The following MUS81 variants were observed in gnomAD, a reference collection of about 807,000 sequenced individuals.
MUS81 encodes MUS81 structure-specific endonuclease subunit.
MUS81 carries 69 observed loss-of-function variants against 74.2 expected under a neutral mutation model. That is an observed-to-expected ratio of 0.93 (90% confidence interval 0.77 to 1.14). The LOEUF (loss-of-function observed/expected upper bound fraction) is 1.14, where lower values mean the gene tolerates loss of function less well. Among genes scored for constraint, MUS81 ranks in the 50% most tolerant of loss-of-function variants. MUS81 has a pLI of 0.00. For synonymous variants in MUS81, 303 were observed against 300.6 expected (o/e 1.01, Z -0.08); for missense variants, 711 against 726.5 (o/e 0.98, Z 0.25).
At chr11:65,866,758 C>A (rs548693216), downstream of MUS81, 8 of 963,536 alleles carry the variant, frequency 8.3e-6, no homozygotes, top group Admixed American at 4.0e-5. Context: ...GCCTGCCCCC[C>A]CAAGTGCCAC....
At chr11:65,865,389 C>A in intron 14 of MUS81, 66 bp downstream of exon 14, 1 of 1,485,744 alleles carries the variant, frequency 6.7e-7, no homozygotes, top group South Asian at 1.2e-5. Context: ...TCACCTTAAT[C>A]CATGCTTCGT....
At position 65,861,190 on chromosome 11, in the gene MUS81, C is replaced by A. The variant is rs543946245; in HGVS notation, c.265+88C>A. ...CCTGGGAGCCCTTGGCTTTTAAGCT[C>A]CCCACTCCTGTCCCAGTTGCCGTTC... On this transcript the variant is annotated intron_variant, in intron 2 of 15. Transcript: ENST00000308110. 6 of 1,592,986 alleles carry A rather than the reference C, an allele frequency of 3.8e-6. No homozygotes were observed. The Admixed American group carries it at 5.2e-5, about 14-fold the overall frequency.
rs1308441453 is a variant in MUS81 at position 65,860,996 on chromosome 11, C to T, written c.159C>T (p.Tyr53=). 1 of 1,612,308 alleles carries T rather than the reference C, an allele frequency of 6.2e-7. No individual in the cohort carries two copies. The highest frequency in any genetic ancestry group is 1.3e-5 in the African/African-American group (1 of 75,062). The change falls in exon 2 of 16, where the codon TAC becomes TAT. Residue 53 remains tyrosine (Y), a synonymous_variant. Transcript: ENST00000308110. The part of the protein sequence containing the change: ...FQKALRSLRR[Y]PLPLRSGKEA... ...AGGCGCTGCGTTCCCTCCGACGGTACCCACTGCCGCTGCGCAGCGGGAAGG... is the reference window on the plus strand; with the variant it reads ...AGGCGCTGCGTTCCCTCCGACGGTATCCACTGCCGCTGCGCAGCGGGAAGG...
At position 65,864,775 on chromosome 11, in the gene MUS81, A is replaced by C; in HGVS notation, c.1232A>C (p.Tyr411Ser). 6.2e-7 allele frequency: 1 copy of C among 1,613,880 alleles called. No homozygotes were observed. Among genetic ancestry groups the C allele is most frequent in the Non-Finnish European group, 8.5e-7 (1 of 1,179,996 alleles). The change falls in exon 12 of 16, where the codon TAC becomes TCC. Residue 411 changes from tyrosine (Y) to serine (S), a missense_variant. Tyr to Ser is a moderately radical substitution (Grantham distance 144). Transcript: ENST00000308110. Reference sequence around the variant, plus strand: ...GCAGACATTAAGGAGTCAGCCGCCTACCTGGCCCTCTTGACGCGGGGCCTG... The same window carrying C: ...GCAGACATTAAGGAGTCAGCCGCCTCCCTGGCCCTCTTGACGCGGGGCCTG... Reference protein sequence around the residue: ...RTADIKESAAYLALLTRGLQR... With the variant: ...RTADIKESAASLALLTRGLQR...
chr11:65,860,406 C>CA, upstream of MUS81: 1 of 499,992 alleles, frequency 2.0e-6, no homozygotes, highest in South Asian at 1.6e-5. Context: ...CTCGCCTACA[C>CA]AAAGACCCCG....
Position 65,862,311 on chromosome 11 carries a change from A to G in MUS81, c.519+32A>G, listed in dbSNP as rs1859638883. On this transcript the variant is annotated intron_variant, in intron 5 of 15. Coordinates refer to ENST00000308110, the MANE Select transcript of MUS81 (RefSeq NM_025128.5). The stretch of plus-strand genomic sequence containing the variant: ...ACAGGGATCAGGGAGGACAGGCCCA[A>G]GTGGCTCTGGGGCCCACCAAAGACT... The G allele has an allele frequency of 3.7e-6, 6 of 1,612,176 alleles. No homozygotes were observed. In the East Asian group the frequency reaches 1.1e-4, roughly 30 times the overall value.
At position 65,865,396 on chromosome 11, in the gene MUS81, TC is replaced by T; in HGVS notation, c.1505+74del. 4 of 1,441,886 alleles carry T rather than the reference TC, an allele frequency of 2.8e-6. No individual in the cohort carries two copies. In the South Asian group the frequency reaches 5.1e-5, roughly 18 times the overall value. The allele number at this position is 1,441,886 out of a possible 1,614,324, so 89.3% of individuals were successfully genotyped here. A position where few individuals can be genotyped will look rare whatever the true frequency, so the allele number is the denominator to read the frequency against. ...CATGGAATTCACCTTAATCCATGCT[TC>T]GTGGAGGGGGCCTGGCCTTGTGTGG... On this transcript the variant is annotated intron_variant, in intron 14 of 15. Transcript: ENST00000308110.
rs1591059542 is a variant in MUS81, at chr11:65,864,133, C to T, written c.1059+232C>T. ...GAGGTCAGGAGCATTTTAAAGACCT[C>T]TTGGGTACCCAGCCCCTGCAGTCTT... On this transcript the variant is annotated intron_variant, in intron 10 of 15. Coordinates refer to ENST00000308110, the MANE Select transcript of MUS81 (RefSeq NM_025128.5). 6 of 600,896 alleles carry T rather than the reference C, an allele frequency of 1.0e-5. No homozygotes were observed. The East Asian group carries it at 1.4e-4, about 14-fold the overall frequency. The allele number at this position is 600,896 out of a possible 1,614,324, so 37.2% of individuals were successfully genotyped here.
chr11:65,865,728 C>A, intron 14 of MUS81, 83 bp from the exon 15 acceptor site: 2 of 1,380,180 alleles, frequency 1.4e-6, no homozygotes, highest in Non-Finnish European at 1.0e-6. Context: ...CCATCCCATG[C>A]TGACCCCTCT....
chr11:65,864,671 A>G (rs1441784101), intron 11 of MUS81, 49 bp from the exon 12 acceptor site: 1 of 1,612,638 alleles, frequency 6.2e-7, no homozygotes, highest in Non-Finnish European at 8.5e-7. Context: ...TCCATGGTTC[A>G]TGGTCTAGGC....
At position 65,864,796 on chromosome 11, in the gene MUS81, G is replaced by T; in HGVS notation, c.1253G>T (p.Gly418Val). 1.2e-6 allele frequency: 2 copies of T among 1,613,250 alleles called. No individual in the cohort carries two copies. Among genetic ancestry groups the T allele is most frequent in the Non-Finnish European group, 1.7e-6 (2 of 1,179,956 alleles). The stretch of plus-strand genomic sequence containing the variant: ...GCCTACCTGGCCCTCTTGACGCGGG[G>T]CCTGCAGAGACTCTACCAGGTGAGC... ...SAAYLALLTR[G>V]LQRLYQGHTL... Residue 418 changes from glycine to valine, a missense_variant, in exon 12 of 16, where the codon GGC becomes GTC. Coordinates refer to ENST00000308110, the MANE Select transcript of MUS81 (RefSeq NM_025128.5).
intron 14 of MUS81, 133 bp from the exon 15 acceptor site, chr11:65,865,678 G>A (rs1859801588): frequency 2.1e-6 from 2 of 946,556 alleles, no homozygotes; most frequent in Non-Finnish European, 3.2e-6. Flanking sequence ...ATGGGGCCTT[G>A]AGTGCCAAGC....
In MUS81 at chr11:65,860,846, G is replaced by C; in HGVS notation, c.93G>C (p.Glu31Asp). Residue 31 changes from glutamate (E) to aspartate (D), a missense_variant, in exon 1 of 16, where the codon GAG becomes GAC. By Grantham distance (45) the Glu-to-Asp change is conservative. Transcript: ENST00000308110. Reference sequence around the variant, plus strand: ...GCTGGCTGACCGAGTGGCGGGACGAGGCGACCCGCAGCAGGCGCCGCACGC... The same window carrying C: ...GCTGGCTGACCGAGTGGCGGGACGACGCGACCCGCAGCAGGCGCCGCACGC... ...FVRWLTEWRD[E>D]ATRSRRRTRF... 1.3e-6 allele frequency: 2 copies of C among 1,544,456 alleles called. No individual in the cohort carries two copies. Among genetic ancestry groups the C allele is most frequent in the Non-Finnish European group, 1.7e-6 (2 of 1,147,124 alleles).
In MUS81 at chr11:65,864,832, T is replaced by C; in HGVS notation, c.1272+17T>C. ...CTCTACCAGGTGAGCAGAGGCCCCTTTCCCAGTGTCGGGACAGAGCCCACA... is the reference window on the plus strand; with the variant it reads ...CTCTACCAGGTGAGCAGAGGCCCCTCTCCCAGTGTCGGGACAGAGCCCACA... On this transcript the variant is annotated intron_variant, in intron 12 of 15. Transcript: ENST00000308110. 1 of 1,608,868 alleles carries C rather than the reference T, an allele frequency of 6.2e-7. No homozygotes were observed. Among genetic ancestry groups the C allele is most frequent in the Non-Finnish European group, 8.5e-7 (1 of 1,178,366 alleles).
downstream of MUS81, chr11:65,866,495 C>T (rs1377484298): frequency 7.1e-6 from 5 of 702,608 alleles, no homozygotes; most frequent in Non-Finnish European, 1.3e-5. Context: ...ACTACTAGGG[C>T]TTATCCAAAT....
chr11:65,867,166 C>T, downstream of MUS81: 1 of 1,559,316 alleles, frequency 6.4e-7, no homozygotes, highest in South Asian at 1.1e-5. Flanking sequence ...TGCCCCGTGG[C>T]CGTGAGGCAG....
At chr11:65,860,130 T>C, upstream of MUS81, 2 of 403,858 alleles carry the variant, frequency 5.0e-6, no homozygotes, top group Non-Finnish European at 1.0e-5. Context: ...CCAAGGGTCC[T>C]GCAGCTCCTC....
At chr11:65,865,746 C>T (rs1266724491) in intron 14 of MUS81, 65 bp from the exon 15 acceptor site, 2 of 1,517,534 alleles carry the variant, frequency 1.3e-6, no homozygotes, top group Admixed American at 1.7e-5. Flanking sequence ...TCTGCCTGGC[C>T]CCTCATGGTG....
Position 65,862,241 on chromosome 11 carries a change from G to A in MUS81, c.481G>A (p.Glu161Lys), listed in dbSNP as rs1226533065. The change falls in exon 5 of 16, where the codon GAG (glutamate) becomes AAG (lysine). Residue 161 changes from glutamate to lysine, a missense_variant. By Grantham distance (56) the Glu-to-Lys change is moderately conservative (BLOSUM62 1). Transcript: ENST00000308110. ...TAATGGTCACCACTTCTTAACCAAG[G>A]AGGAGCTGCTGCAGAGGTGTGCTCA... is the stretch of plus-strand genomic sequence containing the variant. ...NPNGHHFLTK[E>K]ELLQRCAQKS... The A allele has an allele frequency of 1.9e-6, 3 of 1,613,774 alleles. No individual in the cohort carries two copies. The highest frequency in any genetic ancestry group is 1.7e-4 in the Middle Eastern group (1 of 5,798).
Sources: gnomAD v4.1 joint callset for allele counts on GRCh38, gnomAD v4.1.1 for gene constraint, MANE v1.5 for transcripts, NCBI Gene and HGNC (gene_info 2026-07-23, HGNC 2026-07-21) for gene names.